Variants in OR1J2 observed in about 807,000 individuals in gnomAD.
OR1J2 encodes the protein olfactory receptor family 1 subfamily J member 2.
For missense variants in OR1J2, 304 were observed against 246.1 expected, an observed-to-expected ratio of 1.24 and a Z score of -1.57; for synonymous variants, 142 against 99.7, an observed-to-expected ratio of 1.42 and a Z score of -2.52.
chr9:122,548,636 C>T, the OR1J2 span, among the ~76,000 whole-genome samples: 1 of 151,036 alleles, frequency 6.6e-6, no homozygotes, highest in African/African-American at 2.4e-5. Context: ...GGTATGTGTG[C>T]ACAACGTGCA....
chr9:122,578,116 C>G, the OR1J2 span, among the ~76,000 whole-genome samples: 1 of 152,104 alleles, frequency 6.6e-6, no homozygotes, highest in African/African-American at 2.4e-5. Flanking sequence ...ACCATTTGAT[C>G]CAGCAATCCC....
At chr9:122,504,420 G>T in the OR1J2 span, among the ~76,000 whole-genome samples, 3 of 152,156 alleles carry the variant, frequency 2.0e-5, no homozygotes, top group Admixed American at 2.0e-4. Flanking sequence ...ATCTTATCTT[G>T]TTCTAGAGCT....
the OR1J2 span, among the ~76,000 whole-genome samples, chr9:122,473,664 C>T: frequency 6.6e-6 from 1 of 150,524 alleles, no homozygotes; most frequent in Non-Finnish European, 1.5e-5. Flanking sequence ...GTTGTCAATG[C>T]ATAATAGATC....
the OR1J2 span, among the ~76,000 whole-genome samples, chr9:122,552,355 C>T: frequency 2.0e-5 from 3 of 152,184 alleles, no homozygotes; most frequent in African/African-American, 7.2e-5. Flanking sequence ...CACCTTCCCT[C>T]CCTCTGGTTA....
At chr9:122,516,996 G>A in the OR1J2 span, among the ~76,000 whole-genome samples, 1 of 152,178 alleles carries the variant, frequency 6.6e-6, no homozygotes, top group Non-Finnish European at 1.5e-5. Context: ...CTCAGGAAAT[G>A]GCAGGTGAGA....
the OR1J2 span, among the ~76,000 whole-genome samples, chr9:122,468,536 T>C: frequency 6.6e-6 from 1 of 152,208 alleles, no homozygotes; most frequent in Non-Finnish European, 1.5e-5. Flanking sequence ...TAAACTCTTT[T>C]TTTTTTCTCT....
chr9:122,556,105 G>A, the OR1J2 span, among the ~76,000 whole-genome samples: 2 of 152,120 alleles, frequency 1.3e-5, no homozygotes, highest in East Asian at 1.9e-4. Context: ...TTCCCAGAAT[G>A]TTATGTAGTT....
At chr9:122,464,488 T>C in the OR1J2 span, among the ~76,000 whole-genome samples, 1 of 152,232 alleles carries the variant, frequency 6.6e-6, no homozygotes, top group Non-Finnish European at 1.5e-5. Context: ...TTCTTTCAGC[T>C]TTCCTGGTAT....
At chr9:122,463,004 C>T in the OR1J2 span, among the ~76,000 whole-genome samples, 1 of 152,178 alleles carries the variant, frequency 6.6e-6, no homozygotes, top group African/African-American at 2.4e-5. Flanking sequence ...CTCAATTATT[C>T]TCTCAAATAT....
the OR1J2 span, among the ~76,000 whole-genome samples, chr9:122,486,578 G>A: frequency 6.6e-6 from 1 of 152,148 alleles, no homozygotes; most frequent in African/African-American, 2.4e-5. Flanking sequence ...AATTAGAATA[G>A]CAATCATTCA....
the OR1J2 span, among the ~76,000 whole-genome samples, chr9:122,462,306 T>G: frequency 7.1e-6 from 1 of 140,854 alleles, no homozygotes; most frequent in South Asian, 2.2e-4. Flanking sequence ...TGTATGTGAG[T>G]CCTTATGTGA....
At chr9:122,491,339 A>G in the OR1J2 span, among the ~76,000 whole-genome samples, 1 of 152,126 alleles carries the variant, frequency 6.6e-6, no homozygotes, top group African/African-American at 2.4e-5. Context: ...ATAGAAATTC[A>G]TGGACTGTCA....
chr9:122,486,443 C>T, the OR1J2 span, among the ~76,000 whole-genome samples: 6 of 152,092 alleles, frequency 3.9e-5, no homozygotes, highest in African/African-American at 1.4e-4. Flanking sequence ...TCAAATAGGA[C>T]AATATTTGCT....
the OR1J2 span, among the ~76,000 whole-genome samples, chr9:122,541,822 A>G: frequency 9.2e-5 from 14 of 152,332 alleles, no homozygotes; most frequent in South Asian, 2.9e-3. Context: ...AGAGCTTCCC[A>G]TCAGTTTCCA....
the OR1J2 span, among the ~76,000 whole-genome samples, chr9:122,491,552 G>T: frequency 6.6e-6 from 1 of 152,052 alleles, no homozygotes; most frequent in South Asian, 2.1e-4. Flanking sequence ...GCCCCCAAAA[G>T]ACATCAAATA....
At chr9:122,450,591 T>C in the OR1J2 span, among the ~76,000 whole-genome samples, 1 of 152,364 alleles carries the variant, frequency 6.6e-6, no homozygotes, top group African/African-American at 2.4e-5. Flanking sequence ...ATCATTTCTT[T>C]GTGGTGAGAA....
the OR1J2 span, among the ~76,000 whole-genome samples, chr9:122,524,006 G>A: frequency 6.6e-6 from 1 of 152,148 alleles, no homozygotes; most frequent in East Asian, 1.9e-4. Context: ...CTTTGACATA[G>A]ATGACCTTAA....
At chr9:122,527,429 CT>C in the OR1J2 span, 1 of 607,826 alleles carries the variant, frequency 1.6e-6, no homozygotes, top group Non-Finnish European at 2.9e-6. Context: ...TCTGATCCTG[CT>C]TCTTTTCTCT....
At chr9:122,572,806 T>C in the OR1J2 span, 1 of 152,242 alleles carries the variant, frequency 6.6e-6, no homozygotes, top group African/African-American at 2.4e-5. Flanking sequence ...TTTCCTTTGC[T>C]TCCATGTGTC....
Sources: allele counts gnomAD v4.1 joint callset (sites outside exome capture counted in the v4.1 genomes callset), GRCh38; gene constraint gnomAD v4.1.1; transcripts MANE v1.5; gene names NCBI Gene and HGNC (gene_info 2026-07-23, HGNC 2026-07-21).